The following SEMA4D variants were observed in gnomAD, a reference collection of about 807,000 sequenced individuals.
The protein encoded by SEMA4D is semaphorin 4D.
In SEMA4D, 22 loss-of-function variants were observed where a neutral mutation model predicts 74.8. That is an observed-to-expected ratio of 0.29 (90% CI 0.21 to 0.42). The LOEUF (loss-of-function observed/expected upper bound fraction) is 0.42. Among genes scored for constraint, SEMA4D ranks in the 10% least tolerant of loss-of-function variants. SEMA4D has a pLI of 1.00. For missense variants in SEMA4D, 937 were observed against 1,118.4 expected (o/e 0.84, Z 2.31); for synonymous variants, 445 against 463.7 (o/e 0.96, Z 0.52).
intron 1 of SEMA4D, among the ~76,000 whole-genome samples, chr9:89,489,515 C>T (rs925113141): frequency 1.3e-5 from 2 of 152,200 alleles, no homozygotes; most frequent in Non-Finnish European, 2.9e-5. Flanking sequence ...CCCCCACCTC[C>T]CCAGCTCCTG....
chr9:89,401,430 C>G (rs1842199419), intron 4 of SEMA4D, among the ~76,000 whole-genome samples: 1 of 152,106 alleles, frequency 6.6e-6, no homozygotes, highest in South Asian at 2.1e-4. Flanking sequence ...TAAGCTAGAC[C>G]CTGGAGATGA....
intron 16 of SEMA4D, chr9:89,369,355 A>AG (rs1834185507): frequency 6.6e-6 from 1 of 152,244 alleles, no homozygotes; most frequent in Non-Finnish European, 1.5e-5. Flanking sequence ...AAAACATAAA[A>AG]GGCCATCCCA....
At chr9:89,454,799 C>T (rs557706227) in intron 2 of SEMA4D, among the ~76,000 whole-genome samples, 4 of 152,306 alleles carry the variant, frequency 2.6e-5, no homozygotes, top group Non-Finnish European at 5.9e-5. Context: ...CTCGGGGTGG[C>T]GAAGAGACAC....
At chr9:89,494,697 G>C (rs926495373) in intron 1 of SEMA4D, among the ~76,000 whole-genome samples, 1 of 152,138 alleles carries the variant, frequency 6.6e-6, no homozygotes, top group Non-Finnish European at 1.5e-5. Context: ...GTGCATGCAA[G>C]TAGGCAGAAC....
intron 1 of SEMA4D, chr9:89,472,338 C>T: frequency 2.3e-6 from 1 of 429,036 alleles, no homozygotes; most frequent in Non-Finnish European, 4.6e-6. Context: ...GCAAAGTTAG[C>T]TGGGATTGAG....
chr9:89,364,045 G>C (rs1833185358), intron 16 of SEMA4D: 1 of 1,607,630 alleles, frequency 6.2e-7, no homozygotes, highest in South Asian at 1.1e-5. Context: ...TGCTGTCCCA[G>C]TTGGACCTGA....
At chr9:89,465,225 C>T (rs1394768566) in intron 1 of SEMA4D, among the ~76,000 whole-genome samples, 2 of 152,104 alleles carry the variant, frequency 1.3e-5, no homozygotes, top group Non-Finnish European at 2.9e-5. Context: ...GCCCTTAGTC[C>T]GGTGCATCCC....
chr9:89,476,307 G>A (rs865893799), intron 1 of SEMA4D, among the ~76,000 whole-genome samples: 12 of 152,346 alleles, frequency 7.9e-5, no homozygotes, highest in Middle Eastern at 3.4e-3. Flanking sequence ...CACGGGGCCC[G>A]TGCACTGGGG....
At chr9:89,421,800 CGTGTGTGTGT>C (rs150331246) in intron 2 of SEMA4D, among the ~76,000 whole-genome samples, 141 of 149,876 alleles carry the variant, frequency 9.4e-4, no homozygotes, top group Non-Finnish European at 3.4e-4. Flanking sequence ...CGTGTGTGTG[CGTGTGTGTGT>C]GTGTGTGGGT....
intron 1 of SEMA4D, among the ~76,000 whole-genome samples, chr9:89,461,574 T>A (rs1857196018): frequency 6.6e-6 from 1 of 151,976 alleles, no homozygotes; most frequent in South Asian, 2.1e-4. Context: ...AGAATAAACC[T>A]CCAAACATTT....
intron 2 of SEMA4D, among the ~76,000 whole-genome samples, chr9:89,427,271 G>C (rs1848303876): frequency 6.6e-6 from 1 of 152,094 alleles, no homozygotes; most frequent in African/African-American, 2.4e-5. Context: ...CAGAAGAGGG[G>C]GGCAGCCTAA....
intron 2 of SEMA4D, among the ~76,000 whole-genome samples, chr9:89,422,322 G>A (rs1443646134): frequency 6.6e-6 from 1 of 152,244 alleles, no homozygotes; most frequent in African/African-American, 2.4e-5. Context: ...GTGAAGGTGA[G>A]AGTCAGATAT....
chr9:89,450,135 C>A lies in SEMA4D; in HGVS notation c.-244+5753G>T, dbSNP rs550555933. The stretch of plus-strand genomic sequence containing the variant: ...TATGCTGTCACACCAGCTGAAGCAG[C>A]ATGTCATCGATGGAGAAAAAACCAT... On this transcript the variant is annotated intron_variant, in intron 2 of 15. Transcript: ENST00000422704. 3.3e-5 allele frequency: 41 copies of A among 1,260,952 alleles called. 1 individual carries two copies. The African/African-American group carries it at 5.1e-4, about 16-fold the overall frequency. The allele number at this position is 1,260,952 out of a possible 1,614,324, so 78.1% of individuals were successfully genotyped here. A position where few individuals can be genotyped will look rare whatever the true frequency, so the allele number is the denominator to read the frequency against.
At chr9:89,380,067 C>G (rs1836672375) in intron 15 of SEMA4D, among the ~76,000 whole-genome samples, 1 of 152,152 alleles carries the variant, frequency 6.6e-6, no homozygotes, top group South Asian at 2.1e-4. Context: ...GGGTCTGGCT[C>G]TGTTGCCCAG....
intron 2 of SEMA4D, among the ~76,000 whole-genome samples, chr9:89,408,610 GA>G (rs1383247023): frequency 3.9e-5 from 6 of 152,246 alleles, no homozygotes; most frequent in African/African-American, 1.4e-4. Flanking sequence ...CCTTAAAGCA[GA>G]AGAGGACTGC....
At chr9:89,479,357 C>CCAG (rs1862581695) in intron 1 of SEMA4D, among the ~76,000 whole-genome samples, 1 of 152,188 alleles carries the variant, frequency 6.6e-6, no homozygotes, top group African/African-American at 2.4e-5. Context: ...AGCTTTTCGC[C>CCAG]CAGCTCAGCC....
intron 1 of SEMA4D, among the ~76,000 whole-genome samples, chr9:89,477,308 A>C (rs1588156292): frequency 6.6e-6 from 1 of 150,834 alleles, no homozygotes; most frequent in African/African-American, 2.4e-5. Context: ...ACATGCATGC[A>C]CCCCCCCACA....
chr9:89,455,296 G>A (rs1855663739), intron 2 of SEMA4D, among the ~76,000 whole-genome samples: 2 of 152,226 alleles, frequency 1.3e-5, no homozygotes, highest in Admixed American at 1.3e-4. Flanking sequence ...TGGGAGCAAA[G>A]GTGTGGCAGC....
In SEMA4D at chr9:89,379,601, A is replaced by C; in HGVS notation, c.1692T>G (p.His564Gln). ...PDKSKGSYRQ[H>Q]FFKHGGTAEL... ...CCGCTGTGCCACCGTGCTTGAAAAA[A>C]TGCTGCCGGTAACTTCCTTTACTTT... is the stretch of plus-strand genomic sequence containing the variant. The change falls in exon 16 of 16, where the codon CAT (histidine) becomes CAG (glutamine). Residue 564 changes from histidine to glutamine, a missense_variant. Coordinates refer to ENST00000422704, the MANE Select transcript of SEMA4D (RefSeq NM_001371194.2). 2 of 1,611,264 alleles carry C rather than the reference A, an allele frequency of 1.2e-6. No individual in the cohort carries two copies. Among genetic ancestry groups the C allele is most frequent in the South Asian group, 1.1e-5 (1 of 90,872 alleles).
Sources: gnomAD v4.1 joint callset for allele counts (sites outside exome capture counted in the v4.1 genomes callset) on GRCh38, gnomAD v4.1.1 for gene constraint, MANE v1.5 for transcripts, NCBI Gene and HGNC (gene_info 2026-07-23, HGNC 2026-07-21) for gene names.